The following SPTBN2 variants were observed in gnomAD, a reference collection of about 807,000 sequenced individuals.
The protein encoded by SPTBN2 is spectrin beta, non-erythrocytic 2, also known as spectrin beta chain, non-erythrocytic 2.
SPTBN2 carries 107 observed loss-of-function variants against 284.2 expected under a neutral mutation model. That is an observed-to-expected ratio of 0.38 (90% CI 0.32 to 0.44). The LOEUF (loss-of-function observed/expected upper bound fraction) is 0.44, where lower values mean the gene tolerates loss of function less well. Among genes scored for constraint, SPTBN2 ranks in the 20% least tolerant of loss-of-function variants. The probability of loss-of-function intolerance (pLI) is 1.00; values close to 1 mark genes in which losing one functional copy is unlikely to be tolerated. For missense variants in SPTBN2, 2,569 were observed against 3,287.1 expected, an observed-to-expected ratio of 0.78 and a Z score of 5.34; for synonymous variants, 1,289 against 1,354.8, an observed-to-expected ratio of 0.95 and a Z score of 1.07.
chr11:66,743,696 AG>A (rs1942921992), intron 1 of SPTBN2, among the ~76,000 whole-genome samples: 1 of 152,198 alleles, frequency 6.6e-6, no homozygotes, highest in Non-Finnish European at 1.5e-5. Context: ...GCCAGAGCCC[AG>A]AAAAGCCAGC....
In SPTBN2 at chr11:66,712,682, G is replaced by C. The variant is rs1032050262; in HGVS notation, c.772+949C>G. 8.5e-5 allele frequency: 13 copies of C among 152,306 alleles called. No individual in the cohort carries two copies. In the East Asian group the frequency reaches 2.5e-3, roughly 29 times the overall value. 9.4% of individuals were successfully genotyped at this position (152,306 alleles called of 1,614,324 possible). On this transcript the variant is annotated intron_variant, in intron 8 of 37. Transcript: ENST00000533211. ...CTGGGTGAGAGTGGAAGGTCATGCA[G>C]CTTAATTTTTTTTCTTAAAAATTTG...
intron 15 of SPTBN2, among the ~76,000 whole-genome samples, chr11:66,703,701 C>T (rs998426409): frequency 2.6e-5 from 4 of 151,560 alleles, no homozygotes; most frequent in Non-Finnish European, 5.9e-5. Context: ...CGCACCACTG[C>T]GCTCCAGCCT....
At chr11:66,686,690 C>T (rs762620017) in intron 36 of SPTBN2, 20 of 631,274 alleles carry the variant, frequency 3.2e-5, no homozygotes, top group Admixed American at 5.6e-5. Flanking sequence ...CGGCTGCTTG[C>T]TGGCAGGCAG....
intron 1 of SPTBN2, among the ~76,000 whole-genome samples, chr11:66,725,878 T>C (rs1414907627): frequency 2.0e-5 from 3 of 152,198 alleles, no homozygotes; most frequent in Non-Finnish European, 4.4e-5. Flanking sequence ...ACAGGCTGCC[T>C]TGTATCCTAA....
In SPTBN2 at chr11:66,711,034, A is replaced by G. The variant is rs1941832250; in HGVS notation, c.773-5T>C. 2.5e-6 allele frequency: 4 copies of G among 1,613,324 alleles called. No homozygotes were observed. The highest frequency in any genetic ancestry group is 3.3e-5 in the Admixed American group (2 of 60,000). ...CTGGCTGGTCCACATTCACGTCTGC[A>G]AGAGAGGACCATTTGGGTCAGGCCT... is the stretch of plus-strand genomic sequence containing the variant. On this transcript the variant is annotated splice_region_variant and splice_polypyrimidine_tract_variant and intron_variant, in intron 8 of 37. Transcript: ENST00000533211.
At position 66,686,412 on chromosome 11, in the gene SPTBN2, G is replaced by A. The variant is rs1448528060; in HGVS notation, c.6925C>T (p.Gln2309Ter). The change falls in exon 37 of 38, where the codon CAG (glutamine) becomes TAG (stop). Residue 2309 changes from glutamine to a stop codon, truncating the protein, a stop_gained. Coordinates refer to ENST00000533211, the MANE Select transcript of SPTBN2 (RefSeq NM_006946.4). LOFTEE classifies it high-confidence loss of function. ...GGACAGCTCACCTCATCCTTGGCCT[G>A]GAATAAATATTCTTTTCCATCCTGT... is the stretch of plus-strand genomic sequence containing the variant. ...GLQDGKEYLF[Q>*]AKDEAEMSSW... 1 of 1,613,952 alleles carries A rather than the reference G, an allele frequency of 6.2e-7. No homozygotes were observed. The highest frequency in any genetic ancestry group is 1.3e-5 in the African/African-American group (1 of 74,916).
At chr11:66,686,606 C>T (rs1940129918) in intron 36 of SPTBN2, 166 bp from the exon 37 acceptor site, 3 of 775,850 alleles carry the variant, frequency 3.9e-6, no homozygotes, top group Non-Finnish European at 6.5e-6. Context: ...CCAGACTGTG[C>T]AGAAGCACAT....
chr11:66,708,664 C>T lies in SPTBN2; in HGVS notation c.1191+238G>A, dbSNP rs1941694760. 6.6e-6 allele frequency among the ~76,000 whole-genome samples: 1 copy of T among 152,152 alleles called. No homozygotes were observed. On this transcript the variant is annotated intron_variant, in intron 11 of 37. Transcript: ENST00000533211. This position sits in a 1 kb window ranked among gnomAD's most constrained non-coding sequence, Gnocchi z 4.4. Reference sequence around the variant, plus strand: ...AGCTGAGGAACTTGGGGCATAATTTCCTTATGTGACCTCGTATGGAGAGTC... The same window carrying T: ...AGCTGAGGAACTTGGGGCATAATTTTCTTATGTGACCTCGTATGGAGAGTC...
Position 66,693,284 on chromosome 11 carries a change from C to T in SPTBN2, c.4756G>A (p.Asp1586Asn). The T allele has an allele frequency of 1.2e-6, 2 of 1,613,878 alleles. No homozygotes were observed. The highest frequency in any genetic ancestry group is 1.7e-6 in the Non-Finnish European group (2 of 1,180,046). The stretch of plus-strand genomic sequence containing the variant: ...TAGAACTGCTGGGCTCGCAGGGCAT[C>T]CTCCAGTCGCTTCCCTCGAAGTTCC... ...ELELRGKRLEDALRAQQFYRD... is the reference protein window; with the variant it reads ...ELELRGKRLENALRAQQFYRD... The change falls in exon 24 of 38, where the codon GAT (aspartate) becomes AAT (asparagine). Residue 1586 changes from aspartate (D) to asparagine (N), a missense_variant. Physicochemically the swap from Asp to Asn is conservative, Grantham distance 23. Around this residue, in one of 6 missense-constraint regions of SPTBN2, gnomAD observed 1,130 missense variants for 1,317.3 expected, o/e 0.86. Coordinates refer to ENST00000533211, the MANE Select transcript of SPTBN2 (RefSeq NM_006946.4). This position sits in a 1 kb window ranked among gnomAD's most constrained non-coding sequence, Gnocchi z 5.7.
intron 37 of SPTBN2, 122 bp from the exon 38 acceptor site, chr11:66,686,226 G>T (rs748318028): frequency 7.2e-7 from 1 of 1,379,602 alleles, no homozygotes; most frequent in South Asian, 1.2e-5. Context: ...GCTATTAGGA[G>T]AATGTGGCCG....
chr11:66,721,225 A>G lies in SPTBN2; in HGVS notation c.16T>C (p.Ser6Pro). ...TCCAAGCTGTCAAAGTCTGTGGGTG[A>G]CAGCGTGCTGCTCATGGTGGTAGGC... MSSTL[S>P]PTDFDSLEIQ... Residue 6 changes from serine to proline, a missense_variant, in exon 3 of 38, where the codon TCA becomes CCA. Physicochemically the swap from Ser to Pro is moderately conservative, Grantham distance 74. Transcript: ENST00000533211. 6.2e-7 allele frequency: 1 copy of G among 1,614,088 alleles called. No individual in the cohort carries two copies. The highest frequency in any genetic ancestry group is 8.5e-7 in the Non-Finnish European group (1 of 1,180,006).
intron 16 of SPTBN2, 76 bp from the exon 17 acceptor site, chr11:66,701,358 C>G: frequency 6.4e-7 from 1 of 1,571,614 alleles, no homozygotes; most frequent in Non-Finnish European, 8.6e-7. Flanking sequence ...TTCTCTCTCT[C>G]TTGGTAGCTC....
rs141549636 is a variant in SPTBN2 at position 66,713,309 on chromosome 11, T to C, written c.772+322A>G. 2.0e-5 allele frequency among the ~76,000 whole-genome samples: 3 copies of C among 151,548 alleles called. No homozygotes were observed. The East Asian group carries it at 5.8e-4, about 29-fold the overall frequency. On this transcript the variant is annotated intron_variant, in intron 8 of 37. Coordinates refer to ENST00000533211, the MANE Select transcript of SPTBN2 (RefSeq NM_006946.4). The stretch of plus-strand genomic sequence containing the variant: ...TTCAGTGGTTTTCAGTGTAAAGATA[T>C]ATATTTTTTTTGGGGGGGAGGGGTA...
rs774070634 is a variant in SPTBN2, at chr11:66,710,898, T to C, written c.885+19A>G. On this transcript the variant is annotated intron_variant, in intron 9 of 37. Coordinates refer to ENST00000533211, the MANE Select transcript of SPTBN2 (RefSeq NM_006946.4). The surrounding 1 kb of genome is among the most constrained non-coding windows in gnomAD (Gnocchi z 4.9). ...CCGGGCCTCCTCTGGCCTTTATGCC[T>C]ACTGCCCATGGACAGTACCTTGCCA... The C allele has an allele frequency of 1.6e-5, 26 of 1,613,444 alleles. No individual in the cohort carries two copies. The highest frequency in any genetic ancestry group is 2.1e-5 in the Non-Finnish European group (25 of 1,179,350).
At chr11:66,686,180 A>G in intron 37 of SPTBN2, 76 bp from the exon 38 acceptor site, 1 of 1,487,900 alleles carries the variant, frequency 6.7e-7, no homozygotes, top group Non-Finnish European at 9.3e-7. Flanking sequence ...AGGGAAGTGT[A>G]AGAGGAGGAG....
intron 1 of SPTBN2, among the ~76,000 whole-genome samples, chr11:66,742,646 G>A (rs138861755): frequency 1.3e-5 from 2 of 151,270 alleles, no homozygotes; most frequent in African/African-American, 4.9e-5. Context: ...GTCTCACTCT[G>A]TCAGCCGGGC....
At chr11:66,717,920 G>A (rs553597803) in intron 3 of SPTBN2, among the ~76,000 whole-genome samples, 1 of 152,278 alleles carries the variant, frequency 6.6e-6, no homozygotes, top group East Asian at 1.9e-4. Flanking sequence ...GGGCCTGTTT[G>A]CACAGATCCT....
intron 8 of SPTBN2, among the ~76,000 whole-genome samples, chr11:66,712,276 C>T (rs894738897): frequency 6.6e-6 from 1 of 152,192 alleles, no homozygotes. Flanking sequence ...CAGTCAGGCG[C>T]GGGGGCTCAC....
chr11:66,687,035 G>T lies in SPTBN2; in HGVS notation c.6855C>A (p.Val2285=). The change falls in exon 36 of 38, where the codon GTC becomes GTA. Residue 2285 remains valine, a synonymous_variant. Coordinates refer to ENST00000533211, the MANE Select transcript of SPTBN2 (RefSeq NM_006946.4). This position sits in a 1 kb window ranked among gnomAD's most constrained non-coding sequence, Gnocchi z 5.2. Reference sequence around the variant, plus strand: ...GTTTGCGCTTTCGGTAATCAAAGGCGACGCTGCCCTGGGCCCTGGCCAGGC... The same window carrying T: ...GTTTGCGCTTTCGGTAATCAAAGGCTACGCTGCCCTGGGCCCTGGCCAGGC... The part of the protein sequence containing the change: ...PVSLARAQGS[V]AFDYRKRKHV... 6.2e-7 allele frequency: 1 copy of T among 1,614,086 alleles called. No homozygotes were observed. Among genetic ancestry groups the T allele is most frequent in the Non-Finnish European group, 8.5e-7 (1 of 1,180,030 alleles).
Sources: gnomAD v4.1 joint callset for allele counts (sites outside exome capture counted in the v4.1 genomes callset) on GRCh38, gnomAD v4.1.1 for gene constraint, gnomAD v4.1.1 regional missense constraint, Gnocchi (gnomAD v3.1) non-coding constraint, MANE v1.5 for transcripts, NCBI Gene and HGNC (gene_info 2026-07-23, HGNC 2026-07-21) for gene names.